SH3TC1: variants seen among roughly 807,000 people sequenced by gnomAD.
The protein encoded by SH3TC1 is SH3 domain and tetratricopeptide repeat-containing protein 1.
In SH3TC1, 135 loss-of-function variants were observed where a neutral mutation model predicts 117.3. That is an observed-to-expected ratio of 1.15 (90% CI 1.00 to 1.33). The LOEUF (loss-of-function observed/expected upper bound fraction) is 1.33. SH3TC1 is among the 40% of genes most tolerant of loss of function. The pLI, the probability that SH3TC1 is intolerant of heterozygous loss-of-function variation, is 0.00. For missense variants in SH3TC1, 2,092 were observed against 1,794.3 expected (o/e 1.17, Z -3.00); for synonymous variants, 898 against 816.9 (o/e 1.10, Z -1.69).
intron 1 of SH3TC1, among the ~76,000 whole-genome samples, chr4:8,202,683 G>A (rs551110323): frequency 2.0e-5 from 3 of 152,188 alleles, no homozygotes; most frequent in Admixed American, 2.0e-4. Context: ...AGCCTTGCTG[G>A]CCCGGGGCTG....
chr4:8,237,203 G>A, intron 16 of SH3TC1: 2 of 396,834 alleles, frequency 5.0e-6, no homozygotes, highest in Non-Finnish European at 8.9e-6. Context: ...GGGCTCTCCT[G>A]GTTAAAAACA....
chr4:8,228,264 C>A lies in SH3TC1; in HGVS notation c.2570C>A (p.Ala857Asp). 6.2e-7 allele frequency: 1 copy of A among 1,611,940 alleles called. No homozygotes were observed. Among genetic ancestry groups the A allele is most frequent in the South Asian group, 1.1e-5 (1 of 90,964 alleles). Residue 857 changes from alanine to aspartate, a missense_variant, in exon 12 of 18, where the codon GCC becomes GAC. By Grantham distance (126) the Ala-to-Asp change is moderately radical. Coordinates refer to ENST00000245105, the MANE Select transcript of SH3TC1 (RefSeq NM_018986.5). ...CAGTCTGTCCGGGATGCAGTGGTGGCCAGCGAGGACCAGGAGGGCGTGATT... is the reference window on the plus strand; with the variant it reads ...CAGTCTGTCCGGGATGCAGTGGTGGACAGCGAGGACCAGGAGGGCGTGATT... The part of the protein sequence containing the change: ...ILQSVRDAVV[A>D]SEDQEGVIAN...
intron 1 of SH3TC1, among the ~76,000 whole-genome samples, chr4:8,188,950 C>T (rs1578633887): frequency 6.6e-6 from 1 of 152,364 alleles, no homozygotes. Context: ...CACAGGCACA[C>T]GTGGCTCGAC....
chr4:8,196,515 G>A (rs1287686993), upstream of SH3TC1, among the ~76,000 whole-genome samples: 3 of 152,194 alleles, frequency 2.0e-5, no homozygotes, highest in African/African-American at 7.2e-5. This position sits in a 1 kb window ranked among gnomAD's most constrained non-coding sequence, Gnocchi z 4.6. Context: ...CCACATGGAG[G>A]AGAGGTGGGT....
In SH3TC1 at chr4:8,240,947, C is replaced by G. The variant is rs575302218; in HGVS notation, c.4003C>G (p.Pro1335Ala). 2 of 1,609,886 alleles carry G rather than the reference C, an allele frequency of 1.2e-6. No homozygotes were observed. The highest frequency in any genetic ancestry group is 1.1e-5 in the South Asian group (1 of 91,078). ...GGCCCCCTGGTTGGCCCCCAGCCAC[C>G]CTCGCTGAGGACAGCATCCAAGGGA... Reference protein sequence around the residue: ...GWAPWLAPSHPR With the variant: ...GWAPWLAPSHAR The change falls in exon 18 of 18, where the codon CCT becomes GCT. Residue 1335 changes from proline to alanine, a missense_variant. Transcript: ENST00000245105.
At chr4:8,195,365 G>A (rs990764681), upstream of SH3TC1, among the ~76,000 whole-genome samples, 1 of 152,158 alleles carries the variant, frequency 6.6e-6, no homozygotes, top group Non-Finnish European at 1.5e-5. Flanking sequence ...AGGTCCTCTG[G>A]CAGGCAGGGC....
intron 17 of SH3TC1, among the ~76,000 whole-genome samples, chr4:8,239,256 C>A (rs1722095814): frequency 1.3e-5 from 2 of 151,838 alleles, no homozygotes; most frequent in South Asian, 4.2e-4. Context: ...GGGACACACA[C>A]ACACACACAG....
rs1717383746 is a variant in SH3TC1 at position 8,190,517 on chromosome 4, G to A, written c.-57+8307G>A. 6.6e-6 allele frequency among the ~76,000 whole-genome samples: 1 copy of A among 152,118 alleles called. No homozygotes were observed. The highest frequency in any genetic ancestry group is 1.5e-5 in the Non-Finnish European group (1 of 68,008). On this transcript the variant is annotated intron_variant, in intron 1 of 16. Coordinates refer to the SH3TC1 transcript ENST00000508641. The surrounding 1 kb of genome is among the most constrained non-coding windows in gnomAD (Gnocchi z 4.7). The stretch of plus-strand genomic sequence containing the variant: ...ATGTCCCCGGGCTCTTGGGAGAATG[G>A]CAGCCTTGCAGCCCCTGCTGTGTGC...
intron 12 of SH3TC1, among the ~76,000 whole-genome samples, chr4:8,229,939 CG>C (rs1721007625): frequency 6.7e-6 from 1 of 150,114 alleles, no homozygotes; most frequent in African/African-American, 2.5e-5. Flanking sequence ...GTTGAACAGT[CG>C]AGGAGACCGG....
upstream of SH3TC1, among the ~76,000 whole-genome samples, chr4:8,196,186 C>T (rs1200392691): frequency 3.3e-5 from 5 of 152,224 alleles, no homozygotes; most frequent in African/African-American, 4.8e-5. The surrounding 1 kb of genome is among the most constrained non-coding windows in gnomAD (Gnocchi z 4.6). Flanking sequence ...TTAATCTTTA[C>T]GATGACTCAG....
intron 1 of SH3TC1, among the ~76,000 whole-genome samples, chr4:8,191,822 G>A (rs1323797193): frequency 1.8e-4 from 27 of 151,974 alleles, no homozygotes; most frequent in Non-Finnish European, 1.5e-5. Context: ...GTGTTTCTGG[G>A]AAACACTGCG....
intron 9 of SH3TC1, among the ~76,000 whole-genome samples, chr4:8,222,360 G>GTT (rs1561700499): frequency 9.5e-6 from 1 of 105,744 alleles, no homozygotes; most frequent in Non-Finnish European, 1.8e-5. Context: ...GTCAGGATCT[G>GTT]GTTTTTTTTT....
chr4:8,230,193 G>A (rs974819154), intron 12 of SH3TC1, among the ~76,000 whole-genome samples: 1 of 152,182 alleles, frequency 6.6e-6, no homozygotes, highest in African/African-American at 2.4e-5. Flanking sequence ...TGATTTGTTG[G>A]CATACAATTG....
rs1288981468 is a variant in SH3TC1 at position 8,192,325 on chromosome 4, G to A, written c.-57+10115G>A. On this transcript the variant is annotated intron_variant, in intron 1 of 16. Coordinates refer to the SH3TC1 transcript ENST00000508641. This position sits in a 1 kb window ranked among gnomAD's most constrained non-coding sequence, Gnocchi z 4.1. ...GTCACCTTTAAAATGAAAGGGCCAC[G>A]GAATCACCAGGAACTCTCCTTCCTG... 6.6e-6 allele frequency among the ~76,000 whole-genome samples: 1 copy of A among 151,364 alleles called. No homozygotes were observed. Among genetic ancestry groups the A allele is most frequent in the Non-Finnish European group, 1.5e-5 (1 of 67,870 alleles).
chr4:8,236,385 C>A lies in SH3TC1; in HGVS notation c.3513C>A (p.Gly1171=). ...LLATLEEPQE[G]LEFAHMALAL... is the part of the protein sequence containing the mutation. ...CCACGCTGGAGGAGCCCCAGGAGGG[C>A]TTGGAGTTTGCCCACATGGCCCTAG... Residue 1171 remains glycine (G), a synonymous_variant, in exon 16 of 18, where the codon GGC becomes GGA. Transcript: ENST00000245105. The A allele has an allele frequency of 6.5e-7, 1 of 1,538,120 alleles. No homozygotes were observed. The highest frequency in any genetic ancestry group is 1.2e-5 in the South Asian group (1 of 82,582).
chr4:8,236,681 G>C (rs1459532053), intron 16 of SH3TC1: 2 of 424,616 alleles, frequency 4.7e-6, no homozygotes, highest in Admixed American at 4.1e-5. Context: ...GGGCTGCCCA[G>C]TGTGCCCTCT....
chr4:8,194,182 G>A (rs59350156), intron 1 of SH3TC1, among the ~76,000 whole-genome samples: 20,820 of 152,146 alleles, frequency 0.14, 1,639 homozygotes, highest in African/African-American at 0.19. Flanking sequence ...AAGGGGCGGC[G>A]GGGGGTGTTG....
rs1199046064 is a variant in SH3TC1, at chr4:8,240,911, C to T, written c.3967C>T (p.Leu1323Phe). 6.2e-7 allele frequency: 1 copy of T among 1,612,852 alleles called. No homozygotes were observed. Among genetic ancestry groups the T allele is most frequent in the South Asian group, 1.1e-5 (1 of 91,088 alleles). ...VRRVNLPPLP[L>F]CGWAPWLAPS... is the part of the protein sequence containing the mutation. The stretch of plus-strand genomic sequence containing the variant: ...CAGGGTCAACCTGCCTCCTCTGCCA[C>T]TCTGCGGGTGGGCCCCCTGGTTGGC... The change falls in exon 18 of 18, where the codon CTC becomes TTC. Residue 1323 changes from leucine to phenylalanine, a missense_variant. Transcript: ENST00000245105.
At chr4:8,191,584 G>A (rs1041257303) in intron 1 of SH3TC1, among the ~76,000 whole-genome samples, 3 of 152,198 alleles carry the variant, frequency 2.0e-5, no homozygotes, top group African/African-American at 2.4e-5. Context: ...AGCCCTTTCC[G>A]GGGGATGACT....
Sources: allele counts gnomAD v4.1 joint callset (sites outside exome capture counted in the v4.1 genomes callset), GRCh38; gene constraint gnomAD v4.1.1; non-coding constraint Gnocchi (gnomAD v3.1); transcripts MANE v1.5; gene names NCBI Gene and HGNC (gene_info 2026-07-23, HGNC 2026-07-21).